CBR4: variants seen among roughly 807,000 people sequenced by gnomAD.
CBR4 encodes carbonyl reductase 4.
Under a neutral mutation model 21.0 loss-of-function variants are expected in CBR4, and 22 were observed. That is an observed-to-expected ratio of 1.05 (90% CI 0.75 to 1.50). The LOEUF is 1.50. CBR4 is among the 40% of genes most tolerant of loss of function. CBR4 has a pLI of 0.00. For synonymous variants in CBR4, 100 were observed against 104.4 expected, an observed-to-expected ratio of 0.96 and a Z score of 0.26; for missense variants, 302 against 286.3, an observed-to-expected ratio of 1.05 and a Z score of -0.40.
intron 2 of CBR4, among the ~76,000 whole-genome samples, chr4:168,938,839 G>A (rs554007385): frequency 1.3e-5 from 2 of 152,220 alleles, no homozygotes; most frequent in African/African-American, 2.4e-5. Flanking sequence ...AGGACTAGAC[G>A]GATTCACAGC....
At chr4:169,003,917 G>T (rs923614129) in intron 3 of CBR4, among the ~76,000 whole-genome samples, 11 of 152,134 alleles carry the variant, frequency 7.2e-5, no homozygotes, top group Non-Finnish European at 1.5e-4. Flanking sequence ...GACACAGGAA[G>T]GGGAACATCA....
chr4:169,005,648 G>A (rs4692558), intron 3 of CBR4, among the ~76,000 whole-genome samples: 104,793 of 152,084 alleles, frequency 0.69, 37,782 homozygotes, highest in East Asian at 0.96. Context: ...TTGCCTGCTT[G>A]TAAGTATCCA....
intron 2 of CBR4, chr4:168,925,362 T>G: frequency 9.8e-7 from 1 of 1,016,300 alleles, no homozygotes; most frequent in South Asian, 1.3e-5. Context: ...GCTTCCTTAC[T>G]CAAGCATCCT....
At position 168,990,014 on chromosome 4, in the gene CBR4, T is replaced by C; in HGVS notation, c.*136A>G. The stretch of plus-strand genomic sequence containing the variant: ...ACATTGTTCTTTTGAGACATATTTT[T>C]ATAAAGACAGAAATTAACATTTGTA... On this transcript the variant is annotated 3_prime_UTR_variant, in exon 5 of 5. Coordinates refer to ENST00000306193, the MANE Select transcript of CBR4 (RefSeq NM_032783.5). 1 of 1,289,998 alleles carries C rather than the reference T, an allele frequency of 7.8e-7. No individual in the cohort carries two copies. The highest frequency in any genetic ancestry group is 9.9e-7 in the Non-Finnish European group (1 of 1,014,056). The allele number at this position is 1,289,998 out of a possible 1,614,324, so 79.9% of individuals were successfully genotyped here.
intron 2 of CBR4, among the ~76,000 whole-genome samples, chr4:168,966,135 C>T (rs957885487): frequency 1.3e-5 from 2 of 151,782 alleles, no homozygotes; most frequent in African/African-American, 2.4e-5. Flanking sequence ...AACAAACATA[C>T]GAAAAAAATG....
At chr4:169,009,192 T>C (rs963511148) in intron 1 of CBR4, 5 of 389,860 alleles carry the variant, frequency 1.3e-5, no homozygotes, top group South Asian at 9.5e-5. Flanking sequence ...ATTAAACAAA[T>C]AGCATCTTCG....
At chr4:169,000,302 A>G (rs1730321093) in intron 4 of CBR4, among the ~76,000 whole-genome samples, 3 of 152,132 alleles carry the variant, frequency 2.0e-5, no homozygotes, top group Admixed American at 1.3e-4. Context: ...ACTCCCAGCA[A>G]ATAGATGTAT....
chr4:168,974,447 T>C (rs575061106), intron 2 of CBR4, among the ~76,000 whole-genome samples: 2 of 152,244 alleles, frequency 1.3e-5, no homozygotes, highest in Non-Finnish European at 2.9e-5. Flanking sequence ...TATTTAGATG[T>C]CTAGATCTCT....
At chr4:169,009,059 C>CAAAAA in intron 1 of CBR4, 20 of 359,566 alleles carry the variant, frequency 5.6e-5, no homozygotes, top group Non-Finnish European at 7.3e-5. Flanking sequence ...GAAGCCCTCT[C>CAAAAA]AAAAAAAAAA....
chr4:168,994,202 A>ATGGGCC (rs1765067398), intron 4 of CBR4, among the ~76,000 whole-genome samples: 2 of 152,210 alleles, frequency 1.3e-5, no homozygotes, highest in Non-Finnish European at 2.9e-5. Context: ...AAACAAAGGG[A>ATGGGCC]TGGGCCGAAA....
intron 3 of CBR4, among the ~76,000 whole-genome samples, chr4:169,002,980 T>C (rs1730585730): frequency 6.6e-6 from 1 of 152,212 alleles, no homozygotes; most frequent in African/African-American, 2.4e-5. Context: ...AACAAAATAT[T>C]ACTGCTCACT....
At position 168,927,893 on chromosome 4, in the gene CBR4, T is replaced by C. The variant is rs765552955; in HGVS notation, n.170-33128A>G. ...TATGAAAAGAAAACACTGTATTCCT[T>C]ATGCAAAACACATGTATCTTTCATT... On this transcript the variant is annotated intron_variant and non_coding_transcript_variant, in intron 2 of 3. Coordinates refer to the CBR4 transcript ENST00000509108. 1 of 205,630 alleles carries C rather than the reference T, an allele frequency of 4.9e-6. No individual in the cohort carries two copies. Among genetic ancestry groups the C allele is most frequent in the Non-Finnish European group, 1.0e-5 (1 of 100,326 alleles). The allele number at this position is 205,630 out of a possible 1,614,324, so 12.7% of individuals were successfully genotyped here.
chr4:168,921,904 CAG>C (rs918584114), intron 2 of CBR4, among the ~76,000 whole-genome samples: 2 of 151,972 alleles, frequency 1.3e-5, no homozygotes, highest in African/African-American at 4.8e-5. Context: ...CCTAGCAAAA[CAG>C]AAACAGAAAT....
chr4:169,002,261 G>A (rs1385708922), intron 3 of CBR4, 56 bp from the exon 4 acceptor site: 1 of 1,328,500 alleles, frequency 7.5e-7, no homozygotes, highest in Non-Finnish European at 9.8e-7. Flanking sequence ...AATTAATGGG[G>A]TTACTTGAAA....
At chr4:168,974,791 C>G (rs1239907853) in intron 2 of CBR4, among the ~76,000 whole-genome samples, 1 of 152,028 alleles carries the variant, frequency 6.6e-6, no homozygotes, top group African/African-American at 2.4e-5. Flanking sequence ...TCTCTGGAGA[C>G]TGTTTCTTCC....
intron 2 of CBR4, among the ~76,000 whole-genome samples, chr4:168,900,898 T>G (rs1029827784): frequency 2.6e-5 from 4 of 152,202 alleles, no homozygotes; most frequent in Non-Finnish European, 4.4e-5. Flanking sequence ...CACAAGAAGA[T>G]TCCATATTAC....
intron 2 of CBR4, among the ~76,000 whole-genome samples, chr4:168,975,652 T>C (rs1560973091): frequency 6.6e-6 from 1 of 152,158 alleles, no homozygotes; most frequent in Non-Finnish European, 1.5e-5. Flanking sequence ...CAGAGCTCCC[T>C]AGAAATTACA....
At chr4:168,987,011 C>T (rs1474098450), downstream of CBR4, among the ~76,000 whole-genome samples, 9 of 152,102 alleles carry the variant, frequency 5.9e-5, no homozygotes, top group Non-Finnish European at 1.3e-4. Context: ...CCTCACCCTG[C>T]CTACCACTTA....
At chr4:168,949,971 C>T (rs1763495055) in intron 2 of CBR4, among the ~76,000 whole-genome samples, 1 of 152,024 alleles carries the variant, frequency 6.6e-6, no homozygotes, top group Non-Finnish European at 1.5e-5. Context: ...TCTCCCATTT[C>T]GTTTCTTATT....
Sources: allele counts gnomAD v4.1 joint callset (sites outside exome capture counted in the v4.1 genomes callset), GRCh38; gene constraint gnomAD v4.1.1; transcripts MANE v1.5; gene names NCBI Gene and HGNC (gene_info 2026-07-23, HGNC 2026-07-21).